CDH18: variants seen among roughly 807,000 people sequenced by gnomAD.
CDH18 encodes the protein cadherin-18.
CDH18 carries 31 observed loss-of-function variants against 67.9 expected under a neutral mutation model. That is an observed-to-expected ratio of 0.46 (90% CI 0.34 to 0.62). The LOEUF (loss-of-function observed/expected upper bound fraction) is 0.62. Among genes scored for constraint, CDH18 ranks in the 20% least tolerant of loss-of-function variants. The pLI is 0.01. For synonymous variants in CDH18, 362 were observed against 347.2 expected, an observed-to-expected ratio of 1.04 and a Z score of -0.48; for missense variants, 890 against 975.5, an observed-to-expected ratio of 0.91 and a Z score of 1.17.
At chr5:20,310,813 T>G (rs1022329940) in intron 1 of CDH18, among the ~76,000 whole-genome samples, 2 of 152,206 alleles carry the variant, frequency 1.3e-5, no homozygotes, top group African/African-American at 4.8e-5. Flanking sequence ...TTCTGACTAC[T>G]GGATTGCTCT....
chr5:20,099,244 A>T (rs1269157649), intron 2 of CDH18, among the ~76,000 whole-genome samples: 1 of 152,182 alleles, frequency 6.6e-6, no homozygotes, highest in Non-Finnish European at 1.5e-5. Context: ...CTGAGAGAGG[A>T]CATAATCATG....
rs570925539 is a variant in CDH18, at chr5:20,521,702, G to A, written c.-580+53760C>T. The stretch of plus-strand genomic sequence containing the variant: ...TTTGTAGGCTGATTACAATAACTCA[G>A]CAGGGAAGAAAAACTGACTCAGAAG... On this transcript the variant is annotated intron_variant, in intron 1 of 14. Transcript: ENST00000507958. Among the ~76,000 whole-genome samples the A allele has an allele frequency of 2.6e-5, 4 of 152,188 alleles. No individual in the cohort carries two copies. The East Asian group carries it at 7.8e-4, about 29-fold the overall frequency.
intron 2 of CDH18, among the ~76,000 whole-genome samples, chr5:20,252,091 A>G (rs1341695860): frequency 6.6e-6 from 1 of 152,074 alleles, no homozygotes; most frequent in Non-Finnish European, 1.5e-5. Flanking sequence ...GCAACTGTAT[A>G]TAAAAAATAT....
chr5:20,276,018 C>A (rs1745783739), intron 1 of CDH18, among the ~76,000 whole-genome samples: 1 of 152,124 alleles, frequency 6.6e-6, no homozygotes, highest in African/African-American at 2.4e-5. Flanking sequence ...AATTACCCAC[C>A]CCAGCAGACA....
intron 3 of CDH18, among the ~76,000 whole-genome samples, chr5:19,763,443 T>C (rs1484682809): frequency 6.6e-6 from 1 of 152,154 alleles, no homozygotes; most frequent in African/African-American, 2.4e-5. Context: ...TGTTTGGCCA[T>C]AGTTACTGCA....
At chr5:20,452,568 G>A (rs913170290) in intron 1 of CDH18, among the ~76,000 whole-genome samples, 5 of 151,992 alleles carry the variant, frequency 3.3e-5, no homozygotes, top group Admixed American at 3.3e-4. Flanking sequence ...ATACAACATG[G>A]ACGCCAAGAT....
At chr5:19,762,434 T>C (rs141256483) in intron 3 of CDH18, among the ~76,000 whole-genome samples, 1 of 151,990 alleles carries the variant, frequency 6.6e-6, no homozygotes, top group Non-Finnish European at 1.5e-5. Context: ...GTGGGCAAAG[T>C]GTATGAACAG....
chr5:20,410,821 C>T (rs4345322), intron 1 of CDH18, among the ~76,000 whole-genome samples: 79,111 of 151,264 alleles, frequency 0.52, 21,214 homozygotes, highest in Middle Eastern at 0.62. Context: ...CAGCAAACTA[C>T]GTGAAAAGGA....
chr5:20,265,519 G>A (rs1457964397), intron 1 of CDH18, among the ~76,000 whole-genome samples: 2 of 151,768 alleles, frequency 1.3e-5, no homozygotes, highest in Non-Finnish European at 2.9e-5. Flanking sequence ...AGGCTCAGGG[G>A]CAATGTAAAA....
At chr5:20,564,123 T>C (rs1417290122) in intron 1 of CDH18, among the ~76,000 whole-genome samples, 1 of 152,018 alleles carries the variant, frequency 6.6e-6, no homozygotes, top group African/African-American at 2.4e-5. Flanking sequence ...TCGGTTCACC[T>C]ATCTCTCCAG....
At chr5:20,203,735 A>G (rs1402591828) in intron 2 of CDH18, among the ~76,000 whole-genome samples, 1 of 152,122 alleles carries the variant, frequency 6.6e-6, no homozygotes, top group East Asian at 1.9e-4. Context: ...AGAAACAACA[A>G]CAATAGAGAA....
intron 2 of CDH18, among the ~76,000 whole-genome samples, chr5:19,921,423 C>T (rs1355973435): frequency 8.0e-5 from 12 of 150,090 alleles, no homozygotes; most frequent in South Asian, 2.1e-4. Context: ...CCCAGCTACT[C>T]GGGAGGCTGA....
intron 2 of CDH18, among the ~76,000 whole-genome samples, chr5:20,216,476 C>T (rs1044994953): frequency 6.6e-6 from 1 of 151,890 alleles, no homozygotes; most frequent in Non-Finnish European, 1.5e-5. Flanking sequence ...AAAGTAGGAA[C>T]CTGAAGATAG....
chr5:20,203,415 T>G (rs755423914), intron 2 of CDH18, among the ~76,000 whole-genome samples: 5 of 152,064 alleles, frequency 3.3e-5, no homozygotes, highest in Non-Finnish European at 7.4e-5. Context: ...ATGGTTCCCC[T>G]AGACAAAAAA....
intron 3 of CDH18, among the ~76,000 whole-genome samples, chr5:19,765,413 A>G (rs2149718906): frequency 6.6e-6 from 1 of 152,130 alleles, no homozygotes; most frequent in South Asian, 2.1e-4. Flanking sequence ...TTTTAATAAA[A>G]AAGCTAAAAG....
intron 1 of CDH18, among the ~76,000 whole-genome samples, chr5:20,396,721 A>C (rs1217349033): frequency 6.6e-6 from 1 of 152,158 alleles, no homozygotes; most frequent in Non-Finnish European, 1.5e-5. Context: ...ATCAAAACTG[A>C]ATGTAAAACC....
intron 2 of CDH18, among the ~76,000 whole-genome samples, chr5:19,885,655 G>T (rs570414344): frequency 6.6e-6 from 1 of 152,172 alleles, no homozygotes; most frequent in East Asian, 1.9e-4. Flanking sequence ...AGAGCTTCCG[G>T]GCTCAAGTAA....
chr5:19,783,785 C>G (rs933893436), intron 3 of CDH18, among the ~76,000 whole-genome samples: 6 of 152,102 alleles, frequency 3.9e-5, no homozygotes, highest in African/African-American at 1.4e-4. Context: ...ACTATTAATT[C>G]TCATTTATAT....
chr5:19,929,857 C>G (rs1364678848), intron 2 of CDH18, among the ~76,000 whole-genome samples: 4 of 152,018 alleles, frequency 2.6e-5, no homozygotes, highest in Non-Finnish European at 5.9e-5. Context: ...CATAAATGGT[C>G]ATCATTGGAT....
Sources: gnomAD v4.1 joint callset for allele counts (sites outside exome capture counted in the v4.1 genomes callset) on GRCh38, gnomAD v4.1.1 for gene constraint, MANE v1.5 for transcripts, NCBI Gene and HGNC (gene_info 2026-07-23, HGNC 2026-07-21) for gene names.